Variants in ANKS1B observed in about 807,000 individuals in gnomAD.
ANKS1B encodes the protein ankyrin repeat and sterile alpha motif domain containing 1B, also known as ankyrin repeat and sterile alpha motif domain-containing protein 1B.
Under a neutral mutation model 148.3 loss-of-function variants are expected in ANKS1B, and 36 were observed. The observed-to-expected ratio is 0.24, with a 90% confidence interval of 0.19 to 0.32. The LOEUF is 0.32. Among genes scored for constraint, ANKS1B ranks in the 10% least tolerant of loss-of-function variants. The pLI is 1.00. For synonymous variants in ANKS1B, 542 were observed against 560.8 expected, an observed-to-expected ratio of 0.97 and a Z score of 0.47; for missense variants, 1,157 against 1,542.6, an observed-to-expected ratio of 0.75 and a Z score of 4.19.
chr12:99,430,049 G>GA (rs1243212957), intron 11 of ANKS1B, among the ~76,000 whole-genome samples: 5,943 of 136,434 alleles, frequency 0.044, 344 homozygotes, highest in African/African-American at 0.14. Context: ...ATAGTTCCAG[G>GA]AAAAAAAAAA....
chr12:99,408,945 T>C (rs1302972504), intron 11 of ANKS1B, among the ~76,000 whole-genome samples: 3 of 151,388 alleles, frequency 2.0e-5, no homozygotes, highest in Non-Finnish European at 1.5e-5. Flanking sequence ...ATGGAGATTT[T>C]GGAGGTTCCT....
intron 8 of ANKS1B, among the ~76,000 whole-genome samples, chr12:99,703,966 C>T (rs1161735465): frequency 2.0e-5 from 3 of 152,068 alleles, no homozygotes; most frequent in Admixed American, 6.6e-5. Context: ...TATTTGTTAA[C>T]ATTTAAATTA....
chr12:99,937,523 T>G (rs1382509560), intron 1 of ANKS1B, among the ~76,000 whole-genome samples: 1 of 152,164 alleles, frequency 6.6e-6, no homozygotes, highest in South Asian at 2.1e-4. Context: ...CTTGATAATT[T>G]TGCCTGCTGA....
In ANKS1B at chr12:99,429,734, C is replaced by T. The variant is rs536926602; in HGVS notation, c.1575+13939G>A. 3.3e-5 allele frequency among the ~76,000 whole-genome samples: 5 copies of T among 152,234 alleles called. No homozygotes were observed. The South Asian group carries it at 8.3e-4, about 25-fold the overall frequency. On this transcript the variant is annotated intron_variant, in intron 11 of 26. Coordinates refer to ENST00000683438, the MANE Select transcript of ANKS1B (RefSeq NM_001352186.2). ...ATCCCAGCACTCTGGGAGGCCAAGG[C>T]GGGTGGATCACGAGGTCAGGAGATT... is the stretch of plus-strand genomic sequence containing the variant.
intron 17 of ANKS1B, among the ~76,000 whole-genome samples, chr12:99,029,778 A>G (rs960777531): frequency 3.3e-5 from 5 of 152,226 alleles, no homozygotes; most frequent in Non-Finnish European, 7.3e-5. Context: ...TGGGGTCTCT[A>G]TGGAAAGAGA....
intron 9 of ANKS1B, among the ~76,000 whole-genome samples, chr12:99,653,164 C>A (rs979347500): frequency 6.6e-6 from 1 of 151,936 alleles, no homozygotes; most frequent in Non-Finnish European, 1.5e-5. Flanking sequence ...AGACCAAAAG[C>A]AAGGTACTAC....
At chr12:98,811,929 A>T (rs1283391295) in intron 19 of ANKS1B, among the ~76,000 whole-genome samples, 2 of 152,122 alleles carry the variant, frequency 1.3e-5, no homozygotes, top group Non-Finnish European at 2.9e-5. Context: ...GGAAAAGAGG[A>T]TCCTACGCCA....
At chr12:99,080,442 C>A (rs2049305670) in intron 16 of ANKS1B, among the ~76,000 whole-genome samples, 1 of 152,000 alleles carries the variant, frequency 6.6e-6, no homozygotes, top group African/African-American at 2.4e-5. Context: ...CTAAGTAATT[C>A]CAAAAGGTAT....
chr12:98,760,791 C>T (rs1372111791), intron 25 of ANKS1B, among the ~76,000 whole-genome samples: 3 of 152,134 alleles, frequency 2.0e-5, no homozygotes, highest in Non-Finnish European at 2.9e-5. Context: ...CAACTTCTGC[C>T]AAGCCCAAGT....
At chr12:99,017,997 A>G (rs1033075246) in intron 17 of ANKS1B, among the ~76,000 whole-genome samples, 1 of 152,200 alleles carries the variant, frequency 6.6e-6, no homozygotes, top group African/African-American at 2.4e-5. Context: ...AAAAACAGCC[A>G]TAGATGCATC....
chr12:99,052,977 A>G (rs2099967258), intron 17 of ANKS1B, among the ~76,000 whole-genome samples, 180 bp downstream of exon 17: 1 of 152,140 alleles, frequency 6.6e-6, no homozygotes, highest in Admixed American at 6.5e-5. Flanking sequence ...TTTACCTCTT[A>G]GTTCCCCCAC....
intron 9 of ANKS1B, among the ~76,000 whole-genome samples, chr12:99,518,121 T>A (rs1180265687): frequency 6.6e-6 from 1 of 152,204 alleles, no homozygotes; most frequent in African/African-American, 2.4e-5. Context: ...TTCAGTTTGC[T>A]AACATTTTGT....
At chr12:98,918,684 C>T (rs146956023) in intron 17 of ANKS1B, among the ~76,000 whole-genome samples, 21 of 152,318 alleles carry the variant, frequency 1.4e-4, no homozygotes, top group African/African-American at 3.4e-4. Context: ...TAATTTCCCA[C>T]GCCCTTCAGT....
chr12:98,948,162 T>G (rs948311682), intron 17 of ANKS1B, among the ~76,000 whole-genome samples: 2 of 152,224 alleles, frequency 1.3e-5, no homozygotes. Flanking sequence ...GCCACCTGCA[T>G]TTCAGTTGTA....
chr12:99,850,613 G>T (rs1484228188), intron 1 of ANKS1B, among the ~76,000 whole-genome samples: 1 of 151,788 alleles, frequency 6.6e-6, no homozygotes, highest in Admixed American at 6.6e-5. Flanking sequence ...CTACAAACTA[G>T]TTAGATGCAT....
chr12:98,915,955 G>A (rs537159895), intron 17 of ANKS1B, among the ~76,000 whole-genome samples: 1 of 152,232 alleles, frequency 6.6e-6, no homozygotes, highest in East Asian at 1.9e-4. Flanking sequence ...GGTGGGCTGA[G>A]GTTGAGGGGG....
At chr12:99,962,963 A>G (rs1404216879) in intron 1 of ANKS1B, among the ~76,000 whole-genome samples, 9 of 151,962 alleles carry the variant, frequency 5.9e-5, no homozygotes, top group South Asian at 2.1e-4. Flanking sequence ...ACAGGCGCCC[A>G]CCACCACACC....
chr12:98,915,089 C>T (rs2099792397), intron 17 of ANKS1B, among the ~76,000 whole-genome samples: 1 of 152,060 alleles, frequency 6.6e-6, no homozygotes. Flanking sequence ...CAGTAAGTCC[C>T]AGTGACCTTA....
intron 15 of ANKS1B, among the ~76,000 whole-genome samples, chr12:99,086,470 A>AC (rs879662804): frequency 5.3e-5 from 8 of 152,298 alleles, no homozygotes; most frequent in Admixed American, 1.3e-4. Flanking sequence ...CTTTATCCTG[A>AC]CCATAATGGG....
Sources: allele counts gnomAD v4.1 joint callset (sites outside exome capture counted in the v4.1 genomes callset), GRCh38; gene constraint gnomAD v4.1.1; transcripts MANE v1.5; gene names NCBI Gene and HGNC (gene_info 2026-07-23, HGNC 2026-07-21).